DHODH: variants seen among roughly 807,000 people sequenced by gnomAD.
DHODH encodes dihydroorotate dehydrogenase (quinone), mitochondrial.
Under a neutral mutation model 39.7 loss-of-function variants are expected in DHODH, and 30 were observed. That is an observed-to-expected ratio of 0.76 (90% CI 0.57 to 1.02). The LOEUF (loss-of-function observed/expected upper bound fraction) is 1.02. Ranked by LOEUF, DHODH falls within the 50% of genes least tolerant of loss-of-function variation. The probability of loss-of-function intolerance (pLI) is 0.00; values close to 1 mark genes in which losing one functional copy is unlikely to be tolerated. For synonymous variants in DHODH, 222 were observed against 213.8 expected (o/e 1.04, Z -0.34); for missense variants, 531 against 520.8 (o/e 1.02, Z -0.19).
At chr16:72,010,797 C>G (rs560282183) in intron 1 of DHODH, among the ~76,000 whole-genome samples, 199 of 152,260 alleles carry the variant, frequency 1.3e-3, no homozygotes, top group Middle Eastern at 6.8e-3. Flanking sequence ...GGTGTCATCC[C>G]GGCTCACTGC....
intron 4 of DHODH, among the ~76,000 whole-genome samples, chr16:72,020,779 G>C (rs1042194880): frequency 6.6e-6 from 1 of 152,164 alleles, no homozygotes; most frequent in Non-Finnish European, 1.5e-5. Context: ...TGCCTACTGA[G>C]TTCTCTCTGT....
Position 72,025,629 on chromosome 16 carries a change from T to G in DHODH, c.*1430T>G, listed in dbSNP as rs949412513. ...GGTCCAAGGGGCGTGACAGCTGGGC[T>G]GAGGGGCTGGCATGTTTCACATTCT... On this transcript the variant is annotated 3_prime_UTR_variant, in exon 9 of 9. Transcript: ENST00000219240. 1 of 152,476 alleles carries G rather than the reference T, an allele frequency of 6.6e-6. No individual in the cohort carries two copies. The allele number at this position is 152,476 out of a possible 1,614,324, so 9.4% of individuals were successfully genotyped here.
At position 72,014,482 on chromosome 16, in the gene DHODH, G is replaced by A. The variant is rs2041117996; in HGVS notation, c.244G>A (p.Val82Ile). Residue 82 changes from valine to isoleucine, a missense_variant, in exon 3 of 9, where the codon GTT (valine) becomes ATT (isoleucine). By Grantham distance (29) the Val-to-Ile change is conservative. Coordinates refer to ENST00000219240, the MANE Select transcript of DHODH (RefSeq NM_001361.5). ...FQDSDMLEVR[V>I]LGHKFRNPVG... ...GTCTTCCTCTTCCCAGGAAGTGAGA[G>A]TTCTGGGCCATAAATTCCGAAATCC... 6.2e-7 allele frequency: 1 copy of A among 1,614,192 alleles called. No homozygotes were observed. Among genetic ancestry groups the A allele is most frequent in the Non-Finnish European group, 8.5e-7 (1 of 1,180,022 alleles).
At chr16:72,020,015 C>G (rs113348449) in intron 4 of DHODH, among the ~76,000 whole-genome samples, 1 of 151,746 alleles carries the variant, frequency 6.6e-6, no homozygotes, top group Admixed American at 6.6e-5. Flanking sequence ...CAGTGGCTCA[C>G]GCCTGTAATC....
In DHODH at chr16:72,012,039, C is replaced by T. The variant is rs770515591; in HGVS notation, c.22-11C>T. The T allele has an allele frequency of 2.0e-5, 32 of 1,613,692 alleles. No homozygotes were observed. The Admixed American group carries it at 2.0e-4, about 10-fold the overall frequency. On this transcript the variant is annotated splice_polypyrimidine_tract_variant and intron_variant, in intron 1 of 8. Transcript: ENST00000219240. ...GCCTGGGGGACCCCCCTAATATGCT[C>T]TTTTTTGCAGAAGCGGGCCCAGGAT...
At chr16:72,011,271 A>G (rs1262053940) in intron 1 of DHODH, among the ~76,000 whole-genome samples, 1 of 152,202 alleles carries the variant, frequency 6.6e-6, no homozygotes, top group African/African-American at 2.4e-5. Context: ...GAAATGGTGA[A>G]CAATTCTTGG....
At chr16:72,019,271 ATCCCC>A (rs1202487048) in intron 4 of DHODH, among the ~76,000 whole-genome samples, 3 of 151,974 alleles carry the variant, frequency 2.0e-5, no homozygotes, top group African/African-American at 7.3e-5. Context: ...TTGGGTTCTG[ATCCCC>A]TCCTCCAGTC....
At chr16:72,014,297 A>G (rs1412850276) in intron 2 of DHODH, 176 bp from the exon 3 acceptor site, 2 of 637,596 alleles carry the variant, frequency 3.1e-6, no homozygotes, top group East Asian at 5.5e-5. Flanking sequence ...ACTGTTAAAA[A>G]TAGTTCCCCC....
intron 1 of DHODH, 100 bp downstream of exon 1, chr16:72,008,885 G>A (rs149512475): frequency 3.2e-6 from 5 of 1,549,144 alleles, no homozygotes; most frequent in Non-Finnish European, 4.4e-6. Flanking sequence ...AGGCGGCTCC[G>A]GGAGTGTGGG....
intron 1 of DHODH, among the ~76,000 whole-genome samples, chr16:72,009,623 A>G (rs571327165): frequency 1.3e-5 from 2 of 148,766 alleles, no homozygotes; most frequent in East Asian, 4.1e-4. Flanking sequence ...TTCTTTTTAT[A>G]TGTTTATTTG....
chr16:72,027,004 TGTGTG>T lies in DHODH; in HGVS notation c.*2806_*2810del, dbSNP rs200904071. ...GTGTGTGTGTGTGTGTGTGTGTGTGTGTGTGTTTTTGAGATGGAGTCCTGCTCTGT... is the reference window on the plus strand; with the variant it reads ...GTGTGTGTGTGTGTGTGTGTGTGTGTTTTTTGAGATGGAGTCCTGCTCTGT... On this transcript the variant is annotated 3_prime_UTR_variant, in exon 9 of 9. Transcript: ENST00000219240. 0.047 allele frequency: 2,723 copies of T among 57,774 alleles called. 112 individuals carry two copies. The highest frequency in any genetic ancestry group is 0.059 in the Non-Finnish European group (1,560 of 26,312). 3.6% of individuals were successfully genotyped at this position (57,774 alleles called of 1,614,324 possible). A position where few individuals can be genotyped will look rare whatever the true frequency, so the allele number is the denominator to read the frequency against.
chr16:72,027,142 G>A lies in DHODH; in HGVS notation c.*2943G>A, dbSNP rs113191211. 0.11 allele frequency: 16,391 copies of A among 152,358 alleles called. 1,230 individuals are homozygous for A. Among genetic ancestry groups the A allele is most frequent in the South Asian group, 0.16 (784 of 4,822 alleles). The allele number at this position is 152,358 out of a possible 1,614,324, so 9.4% of individuals were successfully genotyped here. A position where few individuals can be genotyped will look rare whatever the true frequency, so the allele number is the denominator to read the frequency against. ...CTCCCGAGTAGCTGGGACTACAGGC[G>A]CCTGCCACCATGCCTGGCTAGTTTT... On this transcript the variant is annotated 3_prime_UTR_variant, in exon 9 of 9. Transcript: ENST00000219240.
intron 1 of DHODH, among the ~76,000 whole-genome samples, chr16:72,010,525 C>G (rs1024351280): frequency 6.6e-6 from 1 of 152,206 alleles, no homozygotes; most frequent in Non-Finnish European, 1.5e-5. Flanking sequence ...TAAGATCACA[C>G]TCTCCATGAG....
chr16:72,024,340 G>T lies in DHODH; in HGVS notation c.*141G>T. 2.3e-6 allele frequency: 2 copies of T among 870,446 alleles called. No homozygotes were observed. Among genetic ancestry groups the T allele is most frequent in the South Asian group, 2.8e-5 (2 of 71,390 alleles). 53.9% of individuals were successfully genotyped at this position (870,446 alleles called of 1,614,324 possible). Reference sequence around the variant, plus strand: ...ATGGCTGCACTGTAAACGCCAATCGGGGGGTCACCAGGATCAACCGCAGGC... The same window carrying T: ...ATGGCTGCACTGTAAACGCCAATCGTGGGGTCACCAGGATCAACCGCAGGC... On this transcript the variant is annotated 3_prime_UTR_variant, in exon 9 of 9. Transcript: ENST00000219240.
intron 3 of DHODH, chr16:72,015,771 T>C: frequency 4.1e-6 from 4 of 985,448 alleles, no homozygotes; most frequent in Non-Finnish European, 4.8e-6. Flanking sequence ...GCTGGGATGA[T>C]GGTACTTGGT....
chr16:72,016,903 C>A (rs2041147299), intron 3 of DHODH, 121 bp from the exon 4 acceptor site: 1 of 863,466 alleles, frequency 1.2e-6, no homozygotes, highest in Non-Finnish European at 1.9e-6. Flanking sequence ...TGTTTAGACC[C>A]TGGAAGTGTA....
At chr16:72,020,415 T>C (rs2041199399) in intron 4 of DHODH, 1 of 146,184 alleles carries the variant, frequency 6.8e-6, no homozygotes, top group South Asian at 2.2e-4. Flanking sequence ...CTTGCTCTGC[T>C]CCTTAGGCTG....
At chr16:72,011,923 C>T (rs1165838672) in intron 1 of DHODH, 127 bp from the exon 2 acceptor site, 8 of 699,842 alleles carry the variant, frequency 1.1e-5, no homozygotes, top group African/African-American at 5.3e-5. Flanking sequence ...CCAGTGTCAG[C>T]GGAAGGCTAA....
At chr16:72,011,860 G>A (rs948418648) in intron 1 of DHODH, among the ~76,000 whole-genome samples, 190 bp from the exon 2 acceptor site, 1 of 151,494 alleles carries the variant, frequency 6.6e-6, no homozygotes, top group African/African-American at 2.4e-5. Flanking sequence ...AGCCTTTAGG[G>A]CCTGAAGAAG....
Sources: gnomAD v4.1 joint callset for allele counts (sites outside exome capture counted in the v4.1 genomes callset) on GRCh38, gnomAD v4.1.1 for gene constraint, MANE v1.5 for transcripts, NCBI Gene and HGNC (gene_info 2026-07-23, HGNC 2026-07-21) for gene names.